Variants in DNAH6 observed in about 807,000 individuals in gnomAD.
DNAH6 encodes axonemal beta dynein heavy chain 6.
Under a neutral mutation model 491.4 loss-of-function variants are expected in DNAH6, and 340 were observed. The ratio of observed to expected loss-of-function variants is 0.69; its 90% CI spans 0.63 to 0.76. The LOEUF (loss-of-function observed/expected upper bound fraction) is 0.76, where lower values mean the gene tolerates loss of function less well. Among genes scored for constraint, DNAH6 ranks in the 30% least tolerant of loss-of-function variants. The probability of loss-of-function intolerance (pLI) is 0.00; values close to 1 mark genes in which losing one functional copy is unlikely to be tolerated. For missense variants in DNAH6, 4,443 were observed against 4,972.2 expected (o/e 0.89, Z 3.20); for synonymous variants, 1,603 against 1,686.1 (o/e 0.95, Z 1.21).
At chr2:84,632,083 C>G (rs1688454156) in intron 29 of DNAH6, among the ~76,000 whole-genome samples, 1 of 152,190 alleles carries the variant, frequency 6.6e-6, no homozygotes, top group Non-Finnish European at 1.5e-5. Context: ...CTGTCCTTCA[C>G]TTTTGTTGAA....
chr2:84,753,755 T>TAAA (rs1162541312), intron 63 of DNAH6, among the ~76,000 whole-genome samples: 1,584 of 77,136 alleles, frequency 0.021, 27 homozygotes, highest in African/African-American at 0.034. Flanking sequence ...GAAACTCTGT[T>TAAA]AAAAAAAAAA....
chr2:84,811,859 C>CAA (rs34583430), intron 72 of DNAH6, among the ~76,000 whole-genome samples: 52 of 104,952 alleles, frequency 5.0e-4, no homozygotes, highest in East Asian at 2.4e-3. Flanking sequence ...GATTCTGTCT[C>CAA]AAAAAAAAAA....
At chr2:84,657,324 A>T (rs1011527327) in intron 35 of DNAH6, among the ~76,000 whole-genome samples, 9 of 151,940 alleles carry the variant, frequency 5.9e-5, no homozygotes, top group Non-Finnish European at 1.2e-4. Context: ...TTGCCTTTCC[A>T]TATAAACTTT....
chr2:84,785,570 A>G, intron 66 of DNAH6, 40 bp from the exon 67 acceptor site: 1 of 1,473,592 alleles, frequency 6.8e-7, no homozygotes, highest in South Asian at 1.4e-5. Flanking sequence ...CAAATCTATA[A>G]AATCACTCTC....
chr2:84,606,034 A>C (rs1685726816), intron 20 of DNAH6, among the ~76,000 whole-genome samples: 1 of 152,248 alleles, frequency 6.6e-6, no homozygotes, highest in African/African-American at 2.4e-5. Context: ...GAAAAGGCTA[A>C]ATTCACTTGA....
intron 40 of DNAH6, among the ~76,000 whole-genome samples, chr2:84,676,161 G>A (rs943271989): frequency 6.6e-6 from 1 of 152,176 alleles, no homozygotes; most frequent in Non-Finnish European, 1.5e-5. Flanking sequence ...TCTGTCCTTT[G>A]CAGACATGTA....
chr2:84,567,840 T>C (rs1429614214), intron 11 of DNAH6, among the ~76,000 whole-genome samples: 1 of 152,116 alleles, frequency 6.6e-6, no homozygotes, highest in Non-Finnish European at 1.5e-5. Context: ...CAAAAGAAAC[T>C]ATCATCAGAC....
intron 3 of DNAH6, among the ~76,000 whole-genome samples, chr2:84,527,842 A>C (rs1676747976): frequency 6.6e-6 from 1 of 152,218 alleles, no homozygotes; most frequent in African/African-American, 2.4e-5. Flanking sequence ...TTGTAGTAAT[A>C]CATCCCTGCA....
intron 64 of DNAH6, among the ~76,000 whole-genome samples, chr2:84,779,700 G>A (rs1297256643): frequency 2.6e-5 from 4 of 152,096 alleles, no homozygotes; most frequent in African/African-American, 2.4e-5. Context: ...TTGCTTTGTA[G>A]TCTTGATTGT....
At chr2:84,521,476 A>G (rs1333556342) in intron 2 of DNAH6, among the ~76,000 whole-genome samples, 1 of 152,136 alleles carries the variant, frequency 6.6e-6, no homozygotes, top group African/African-American at 2.4e-5. Context: ...CTTAAGTTTA[A>G]TTAGATCCCA....
At chr2:84,754,076 C>T (rs911381339) in intron 63 of DNAH6, among the ~76,000 whole-genome samples, 1 of 152,118 alleles carries the variant, frequency 6.6e-6, no homozygotes, top group African/African-American at 2.4e-5. Flanking sequence ...CCTGCCTTGG[C>T]CTCCCAAAGT....
At chr2:84,532,398 C>A (rs551364690) in intron 4 of DNAH6, among the ~76,000 whole-genome samples, 3 of 152,092 alleles carry the variant, frequency 2.0e-5, no homozygotes, top group Non-Finnish European at 2.9e-5. Context: ...ATATCATAAA[C>A]CTTGTGAGTA....
At chr2:84,664,720 A>C (rs1008619024) in intron 37 of DNAH6, among the ~76,000 whole-genome samples, 9 of 152,208 alleles carry the variant, frequency 5.9e-5, no homozygotes, top group Non-Finnish European at 1.2e-4. Flanking sequence ...ATATCCAGGA[A>C]TTGAACTCAG....
chr2:84,548,209 A>G (rs1395558940), intron 7 of DNAH6, 79 bp from the exon 8 acceptor site: 4 of 1,422,016 alleles, frequency 2.8e-6, no homozygotes, highest in Non-Finnish European at 3.8e-6. Flanking sequence ...AATTTTGTTT[A>G]TCTTTTCTTT....
chr2:84,737,592 A>G (rs1160893729), intron 62 of DNAH6, among the ~76,000 whole-genome samples: 1 of 151,812 alleles, frequency 6.6e-6, no homozygotes, highest in Non-Finnish European at 1.5e-5. Context: ...CCATTTCTCT[A>G]GATTTTTCTA....
chr2:84,782,174 T>A (rs1192802239), intron 65 of DNAH6, among the ~76,000 whole-genome samples: 1 of 152,156 alleles, frequency 6.6e-6, no homozygotes, highest in African/African-American at 2.4e-5. Flanking sequence ...ATCTCACCAC[T>A]TTTTTGCCTA....
intron 41 of DNAH6, among the ~76,000 whole-genome samples, chr2:84,678,977 A>G (rs1419362870): frequency 6.6e-6 from 1 of 152,160 alleles, no homozygotes; most frequent in African/African-American, 2.4e-5. Flanking sequence ...ATTTTTCATC[A>G]CATCCCACCT....
intron 40 of DNAH6, 65 bp downstream of exon 40, chr2:84,672,549 GT>G (rs1692836402): frequency 7.0e-7 from 1 of 1,421,196 alleles, no homozygotes; most frequent in Non-Finnish European, 9.5e-7. Flanking sequence ...ATGATGTATA[GT>G]TTGTGAGACT....
chr2:84,760,973 TAC>T (rs1003358258), intron 63 of DNAH6, among the ~76,000 whole-genome samples: 2 of 152,214 alleles, frequency 1.3e-5, no homozygotes, highest in Non-Finnish European at 2.9e-5. Flanking sequence ...ACTAGGTATC[TAC>T]CCAAAGGAAA....
Sources: gnomAD v4.1 joint callset for allele counts (sites outside exome capture counted in the v4.1 genomes callset) on GRCh38, gnomAD v4.1.1 for gene constraint, MANE v1.5 for transcripts, NCBI Gene and HGNC (gene_info 2026-07-23, HGNC 2026-07-21) for gene names.